Variants in PRKX observed in about 807,000 individuals in gnomAD.
PRKX encodes the protein protein kinase cAMP-dependent X-linked catalytic subunit, also known as cAMP-dependent protein kinase catalytic subunit PRKX.
PRKX carries 12 observed loss-of-function variants against 22.0 expected under a neutral mutation model. The observed-to-expected ratio is 0.54, with a 90% CI of 0.35 to 0.88. The LOEUF is 0.88. PRKX is among the 40% of genes least tolerant of loss of function. PRKX has a pLI of 0.01. For synonymous variants in PRKX, 134 were observed against 137.7 expected (o/e 0.97, Z 0.19); for missense variants, 217 against 308.0 (o/e 0.70, Z 2.21).
intron 4 of PRKX, among the ~76,000 whole-genome samples, chrX:3,630,048 C>A (rs1001903743): frequency 1.8e-5 from 2 of 112,195 alleles, no homozygotes; most frequent in Non-Finnish European, 3.8e-5. Flanking sequence ...TCATACTATG[C>A]TTTGTTGACT....
chrX:3,609,315 C>A (rs1202001633), intron 8 of PRKX, among the ~76,000 whole-genome samples: 1 of 111,112 alleles, frequency 9.0e-6, no homozygotes, highest in Non-Finnish European at 1.9e-5. Flanking sequence ...TGCCCGCCAC[C>A]ACGCCTGGGT....
chrX:3,703,240 A>T (rs1482765598), intron 1 of PRKX, among the ~76,000 whole-genome samples: 2 of 111,094 alleles, frequency 1.8e-5, no homozygotes, highest in Non-Finnish European at 3.8e-5. Flanking sequence ...TATTGATTGC[A>T]CCCCTACTGC....
intron 2 of PRKX, among the ~76,000 whole-genome samples, chrX:3,660,890 C>T (rs988619230): frequency 2.8e-5 from 3 of 107,230 alleles, no homozygotes; most frequent in East Asian, 2.9e-4. Flanking sequence ...AGGGAAGGGA[C>T]GAGGAGAGGA....
chrX:3,697,225 G>A lies in PRKX; in HGVS notation c.166+15863C>T, dbSNP rs188225956. ...ACTAAAAATACAAAAAATTAACCAA[G>A]TATGGTGGTATGTGCCTGTAGTCTC... On this transcript the variant is annotated intron_variant, in intron 1 of 8. Transcript: ENST00000262848. Among the ~76,000 whole-genome samples the A allele has an allele frequency of 1.6e-4, 18 of 111,193 alleles. No homozygotes were observed. The East Asian group carries it at 5.1e-3, about 32-fold the overall frequency.
At position 3,607,307 on chromosome X, in the gene PRKX, C is replaced by A. The variant is rs1376997778; in HGVS notation, c.*1662G>T. 1 of 111,616 alleles carries A rather than the reference C, an allele frequency of 9.0e-6. No homozygotes were observed. Among genetic ancestry groups the A allele is most frequent in the Non-Finnish European group, 1.9e-5 (1 of 53,174 alleles). The allele number at this position is 111,616 out of a possible 1,213,427, so 9.2% of individuals were successfully genotyped here. On this transcript the variant is annotated 3_prime_UTR_variant, in exon 9 of 9. Transcript: ENST00000262848. Reference sequence around the variant, plus strand: ...CTGCAGATCTTCCTCGCGCAGGGGGCCATGCTAATCTCCTCTGTGTCATTC... The same window carrying A: ...CTGCAGATCTTCCTCGCGCAGGGGGACATGCTAATCTCCTCTGTGTCATTC...
chrX:3,689,749 G>C (rs764856905), intron 1 of PRKX, among the ~76,000 whole-genome samples: 54 of 111,937 alleles, frequency 4.8e-4, no homozygotes, highest in African/African-American at 1.7e-3. Context: ...AGGCCAAGGC[G>C]GGCGGATCAC....
At chrX:3,652,760 T>A (rs1760860128) in intron 3 of PRKX, among the ~76,000 whole-genome samples, 2 of 111,222 alleles carry the variant, frequency 1.8e-5, no homozygotes, top group Admixed American at 9.6e-5. Context: ...GGAAAGAGCA[T>A]CTTTAAAGAG....
At chrX:3,689,770 G>T (rs774429836) in intron 1 of PRKX, among the ~76,000 whole-genome samples, 21 of 111,941 alleles carry the variant, frequency 1.9e-4, no homozygotes, top group Middle Eastern at 4.6e-3. Flanking sequence ...AAGGTCAGGA[G>T]ATCGAGACCA....
chrX:3,648,449 G>GA (rs1183703386), intron 3 of PRKX, among the ~76,000 whole-genome samples: 2 of 109,425 alleles, frequency 1.8e-5, no homozygotes, highest in Admixed American at 2.0e-4. Context: ...TTTTTAAAGG[G>GA]AGTTATCTGT....
chrX:3,658,495 C>T (rs770184982), intron 2 of PRKX, among the ~76,000 whole-genome samples: 1 of 110,750 alleles, frequency 9.0e-6, no homozygotes, highest in Non-Finnish European at 1.9e-5. Flanking sequence ...ACTGTGTTGC[C>T]CAGGCTGGTT....
chrX:3,703,168 C>T (rs750783641), intron 1 of PRKX, among the ~76,000 whole-genome samples: 1 of 111,372 alleles, frequency 9.0e-6, no homozygotes, highest in African/African-American at 3.3e-5. Context: ...GTAGTCCCAG[C>T]TACTTGGGAG....
At chrX:3,701,170 G>A (rs184590433) in intron 1 of PRKX, among the ~76,000 whole-genome samples, 84 of 108,708 alleles carry the variant, frequency 7.7e-4, no homozygotes, top group African/African-American at 2.6e-3. Flanking sequence ...GTGCAGTGGC[G>A]CCATCATAGC....
chrX:3,691,603 C>G (rs1338673294), intron 1 of PRKX, among the ~76,000 whole-genome samples: 1 of 111,411 alleles, frequency 9.0e-6, no homozygotes, highest in African/African-American at 3.3e-5. Context: ...ACATTTGGAG[C>G]TGGATGATTC....
At chrX:3,691,059 A>T (rs1256592339) in intron 1 of PRKX, among the ~76,000 whole-genome samples, 1 of 111,696 alleles carries the variant, frequency 9.0e-6, no homozygotes, top group East Asian at 2.8e-4. Context: ...CATTATAATT[A>T]TAATTATTAA....
rs1926115709 is a variant in PRKX, at chrX:3,604,403, C to G, written c.*4566G>C. On this transcript the variant is annotated 3_prime_UTR_variant, in exon 9 of 9. Transcript: ENST00000262848. ...AGATACAAAGTTTTATTAAACAAAC[C>G]TGGAATCAACAGTATTATTACATAA... The G allele has an allele frequency of 8.9e-6, 1 of 112,979 alleles. No individual in the cohort carries two copies. Among genetic ancestry groups the G allele is most frequent in the African/African-American group, 3.2e-5 (1 of 31,040 alleles). 9.3% of individuals were successfully genotyped at this position (112,979 alleles called of 1,213,427 possible).
At chrX:3,631,434 C>T (rs1002938181) in intron 4 of PRKX, among the ~76,000 whole-genome samples, 11 of 112,057 alleles carry the variant, frequency 9.8e-5, no homozygotes, top group African/African-American at 6.5e-5. Flanking sequence ...CGGCCACAAG[C>T]CCAGGGATGC....
intron 1 of PRKX, among the ~76,000 whole-genome samples, chrX:3,708,849 CAA>C (rs370829251): frequency 3.3e-4 from 28 of 84,645 alleles, no homozygotes; most frequent in African/African-American, 1.1e-3. Flanking sequence ...AACTCTGTCT[CAA>C]AAAAAAAAAA....
At chrX:3,632,994 G>A (rs1422029201) in intron 4 of PRKX, among the ~76,000 whole-genome samples, 1 of 111,959 alleles carries the variant, frequency 8.9e-6, no homozygotes, top group African/African-American at 3.2e-5. Flanking sequence ...AACGCGGGAG[G>A]ACTGCTTGAG....
At chrX:3,662,810 C>T (rs1569054180) in intron 2 of PRKX, among the ~76,000 whole-genome samples, 2 of 106,887 alleles carry the variant, frequency 1.9e-5, no homozygotes, top group African/African-American at 6.8e-5. Flanking sequence ...AGTTCAAGAT[C>T]AGCCTGGGCA....
Sources: allele counts gnomAD v4.1 joint callset (sites outside exome capture counted in the v4.1 genomes callset), GRCh38; gene constraint gnomAD v4.1.1; transcripts MANE v1.5; gene names NCBI Gene and HGNC (gene_info 2026-07-23, HGNC 2026-07-21).